CLIC5: variants seen among roughly 807,000 people sequenced by gnomAD.
CLIC5 encodes the protein chloride intracellular channel protein 5.
A neutral mutation model predicts 24.7 loss-of-function variants in CLIC5; 20 were observed. That is an observed-to-expected ratio of 0.81 (90% CI 0.57 to 1.18). The LOEUF (loss-of-function observed/expected upper bound fraction) is 1.18, where lower values mean the gene tolerates loss of function less well. CLIC5 is among the 50% of genes most tolerant of loss of function. CLIC5 has a pLI of 0.00. For synonymous variants in CLIC5, 159 were observed against 135.6 expected, an observed-to-expected ratio of 1.17 and a Z score of -1.20; for missense variants, 341 against 326.1, an observed-to-expected ratio of 1.05 and a Z score of -0.35.
intron 4 of CLIC5, among the ~76,000 whole-genome samples, chr6:45,937,905 T>C (rs1028094303): frequency 6.6e-6 from 1 of 152,154 alleles, no homozygotes; most frequent in African/African-American, 2.4e-5. Context: ...TGACCCACCA[T>C]GGAGAACCAT....
At chr6:46,096,091 G>A in the CLIC5 span, among the ~76,000 whole-genome samples, 7 of 152,188 alleles carry the variant, frequency 4.6e-5, no homozygotes, top group African/African-American at 1.7e-4. Flanking sequence ...GGCAAAGCCT[G>A]AACAGTCATC....
At chr6:45,911,909 G>A (rs995040767) in intron 5 of CLIC5, 1 of 985,372 alleles carries the variant, frequency 1.0e-6, no homozygotes, top group Non-Finnish European at 1.2e-6. Context: ...AACTAGGAGG[G>A]GGCCAGACAA....
chr6:45,987,524 C>A (rs1361431993), intron 1 of CLIC5, among the ~76,000 whole-genome samples: 1 of 152,200 alleles, frequency 6.6e-6, no homozygotes, highest in Non-Finnish European at 1.5e-5. Context: ...AATCACAACA[C>A]CAAAGTCTTA....
the CLIC5 span, among the ~76,000 whole-genome samples, chr6:46,116,005 C>T: frequency 6.6e-6 from 1 of 152,112 alleles, no homozygotes; most frequent in Non-Finnish European, 1.5e-5. Context: ...ATTTTTTATC[C>T]TCCTCTATAA....
At position 46,015,396 on chromosome 6, in the gene CLIC5, C is replaced by T; in HGVS notation, c.63+84G>A. On this transcript the variant is annotated intron_variant, in intron 1 of 5. Transcript: ENST00000339561. ...TCCGCGCCGCCCTCCTGGGAGGGTC[C>T]GGAGTCCAGCGCACCCCGAGCCCTG... 3 of 1,361,544 alleles carry T rather than the reference C, an allele frequency of 2.2e-6. 1 individual carries two copies. Among genetic ancestry groups the T allele is most frequent in the Middle Eastern group, 4.3e-4 (2 of 4,658 alleles). The allele number at this position is 1,361,544 out of a possible 1,614,324, so 84.3% of individuals were successfully genotyped here.
chr6:46,106,437 C>T, the CLIC5 span, among the ~76,000 whole-genome samples: 1 of 152,146 alleles, frequency 6.6e-6, no homozygotes, highest in Non-Finnish European at 1.5e-5. Context: ...TCTAGATATA[C>T]TTTCCAGCTG....
chr6:46,015,760 G>A lies in CLIC5; in HGVS notation c.-218C>T, dbSNP rs1018501244. 2.6e-5 allele frequency: 32 copies of A among 1,232,546 alleles called. No homozygotes were observed. The East Asian group carries it at 9.9e-4, about 38-fold the overall frequency. 76.4% of individuals were successfully genotyped at this position (1,232,546 alleles called of 1,614,324 possible). On this transcript the variant is annotated 5_prime_UTR_variant, in exon 1 of 6. Transcript: ENST00000339561. ...AAAAGGAGCGAAGCCGGGAGGAGGC[G>A]GGGGGCCACGGGGAAAGCCGGGTTA...
At chr6:45,919,014 A>G in intron 4 of CLIC5, 1 of 985,398 alleles carries the variant, frequency 1.0e-6, no homozygotes, top group Non-Finnish European at 1.2e-6. Context: ...GTACAATGGA[A>G]ATGTGCCTTG....
rs1229570112 is a variant in CLIC5, at chr6:46,012,654, C to A, written c.63+2826G>T. ...AAGAGCAAGAAATTCAAAGTCTAAA[C>A]TGCTAGATTTGAGGACTGGATCTGA... On this transcript the variant is annotated intron_variant, in intron 1 of 5. Transcript: ENST00000339561. Among the ~76,000 whole-genome samples, 8 of 152,198 alleles carry A rather than the reference C, an allele frequency of 5.3e-5. No homozygotes were observed. The East Asian group carries it at 1.5e-3, about 29-fold the overall frequency.
At chr6:45,904,518 C>G (rs548560299) in intron 5 of CLIC5, among the ~76,000 whole-genome samples, 77 of 151,446 alleles carry the variant, frequency 5.1e-4, no homozygotes, top group Non-Finnish European at 8.8e-4. Flanking sequence ...AACAGGGCCC[C>G]CCTGTTTTCA....
chr6:45,954,199 G>A (rs1764563272), intron 2 of CLIC5, among the ~76,000 whole-genome samples: 1 of 149,526 alleles, frequency 6.7e-6, no homozygotes, highest in Admixed American at 6.7e-5. Context: ...CTTAAACCCA[G>A]GAGGCAGAGG....
rs1447314607 is a variant in CLIC5, at chr6:45,901,137, A to G, written c.*1951T>C. On this transcript the variant is annotated 3_prime_UTR_variant, in exon 6 of 6. Coordinates refer to ENST00000339561, the MANE Select transcript of CLIC5 (RefSeq NM_016929.5). ...GGCCTTCGGGATCATTTCAGCCCTC[A>G]TCCCCCAGGAGGCCAGTTTGGGGCT... 1.3e-5 allele frequency: 2 copies of G among 152,134 alleles called. No homozygotes were observed. The highest frequency in any genetic ancestry group is 1.5e-5 in the Non-Finnish European group (1 of 68,046). The allele number at this position is 152,134 out of a possible 1,614,324, so 9.4% of individuals were successfully genotyped here. A position where few individuals can be genotyped will look rare whatever the true frequency, so the allele number is the denominator to read the frequency against.
chr6:45,969,452 C>A (rs1581804507), intron 1 of CLIC5, among the ~76,000 whole-genome samples: 1 of 148,764 alleles, frequency 6.7e-6, no homozygotes, highest in African/African-American at 2.5e-5. Context: ...TCCCCGCCCC[C>A]ACCCCCTCCT....
At chr6:46,080,330 G>A (rs1177529719) in exon 1 of CLIC5, 2 of 1,166,316 alleles carry the variant, frequency 1.7e-6, no homozygotes, top group Admixed American at 2.6e-5. Context: ...CCACCTTGCA[G>A]AGGAATCAAC....
At chr6:46,102,163 C>A in the CLIC5 span, among the ~76,000 whole-genome samples, 2 of 152,290 alleles carry the variant, frequency 1.3e-5, no homozygotes, top group East Asian at 3.9e-4. Context: ...CACACAGGAA[C>A]CTTCTGAATG....
At chr6:46,042,172 T>A (rs28485898) in intron 1 of CLIC5, among the ~76,000 whole-genome samples, 1 of 152,208 alleles carries the variant, frequency 6.6e-6, no homozygotes, top group African/African-American at 2.4e-5. Context: ...TCACTCTTTT[T>A]AAAAATTAAA....
chr6:45,997,512 G>GAAAA (rs201284615), intron 1 of CLIC5, among the ~76,000 whole-genome samples: 6 of 130,252 alleles, frequency 4.6e-5, no homozygotes, highest in African/African-American at 1.6e-4. Context: ...AATAATAAAA[G>GAAAA]AAAAAAAAAA....
intron 1 of CLIC5, among the ~76,000 whole-genome samples, chr6:46,061,344 C>A (rs1762273714): frequency 6.6e-6 from 1 of 152,200 alleles, no homozygotes; most frequent in Non-Finnish European, 1.5e-5. Context: ...CATGCACCAC[C>A]ATGCCTGGCT....
intron 1 of CLIC5, among the ~76,000 whole-genome samples, chr6:46,037,175 T>G (rs1480506866): frequency 6.6e-6 from 1 of 152,216 alleles, no homozygotes. Context: ...TGATTATTCA[T>G]TTTTCCCCCT....
Sources: gnomAD v4.1 joint callset for allele counts (sites outside exome capture counted in the v4.1 genomes callset) on GRCh38, gnomAD v4.1.1 for gene constraint, MANE v1.5 for transcripts, NCBI Gene and HGNC (gene_info 2026-07-23, HGNC 2026-07-21) for gene names.